Variants in ROCK2 observed in about 807,000 individuals in gnomAD.
ROCK2 encodes the protein Rho associated coiled-coil containing protein kinase 2.
ROCK2 carries 61 observed loss-of-function variants against 195.1 expected under a neutral mutation model. The ratio of observed to expected loss-of-function variants is 0.31; its 90% confidence interval spans 0.25 to 0.39. The LOEUF is 0.39. Among genes scored for constraint, ROCK2 ranks in the 10% least tolerant of loss-of-function variants. ROCK2 has a pLI of 1.00. For missense variants in ROCK2, 1,109 were observed against 1,637.4 expected, an observed-to-expected ratio of 0.68 and a Z score of 5.57; for synonymous variants, 504 against 545.5, an observed-to-expected ratio of 0.92 and a Z score of 1.06.
intron 1 of ROCK2, among the ~76,000 whole-genome samples, chr2:11,296,768 C>A (rs1427769443): frequency 6.6e-6 from 1 of 152,128 alleles, no homozygotes; most frequent in Non-Finnish European, 1.5e-5. Flanking sequence ...CTTTAAATCT[C>A]ATTTTTGACA....
chr2:11,183,914 G>C (rs1161576912), intron 32 of ROCK2, among the ~76,000 whole-genome samples: 1 of 152,114 alleles, frequency 6.6e-6, no homozygotes, highest in African/African-American at 2.4e-5. Context: ...GCTACTCTAT[G>C]AAATCTGATT....
intron 13 of ROCK2, 30 bp downstream of exon 13, chr2:11,216,128 A>C (rs1664418294): frequency 6.3e-7 from 1 of 1,584,458 alleles, no homozygotes; most frequent in South Asian, 1.1e-5. Flanking sequence ...TACTAACAAA[A>C]ATGTTAATAA....
intron 1 of ROCK2, among the ~76,000 whole-genome samples, chr2:11,327,038 T>C (rs962557854): frequency 6.6e-6 from 1 of 152,190 alleles, no homozygotes; most frequent in Admixed American, 6.5e-5. Flanking sequence ...CTAGAGACCA[T>C]GAATTTGCAG....
At chr2:11,276,910 G>A (rs562135714) in intron 3 of ROCK2, among the ~76,000 whole-genome samples, 2 of 152,220 alleles carry the variant, frequency 1.3e-5, no homozygotes, top group South Asian at 4.1e-4. Context: ...GTGGTATGCT[G>A]TGATTTGAAA....
chr2:11,281,709 G>A (rs1335346473), intron 3 of ROCK2, among the ~76,000 whole-genome samples: 1 of 152,008 alleles, frequency 6.6e-6, no homozygotes, highest in Non-Finnish European at 1.5e-5. Context: ...CTGTATATGA[G>A]CAATGAAAAA....
chr2:11,279,649 T>C (rs535106440), intron 3 of ROCK2, among the ~76,000 whole-genome samples: 2 of 152,312 alleles, frequency 1.3e-5, no homozygotes, highest in African/African-American at 2.4e-5. Context: ...GTTAAGAATA[T>C]AGTGGAACTC....
chr2:11,252,408 C>G (rs1409699219), intron 3 of ROCK2, among the ~76,000 whole-genome samples: 3 of 150,104 alleles, frequency 2.0e-5, no homozygotes, highest in African/African-American at 7.4e-5. Flanking sequence ...AAAAAAAGAT[C>G]TAGAACCAGA....
chr2:11,214,218 C>T (rs1664346059), intron 17 of ROCK2, 139 bp downstream of exon 17: 5 of 590,404 alleles, frequency 8.5e-6, no homozygotes, highest in Non-Finnish European at 1.2e-5. Flanking sequence ...CTCTTATCTA[C>T]ACATCAAGTC....
intron 4 of ROCK2, among the ~76,000 whole-genome samples, chr2:11,241,015 C>T (rs1034846519): frequency 6.6e-6 from 1 of 152,010 alleles, no homozygotes; most frequent in Non-Finnish European, 1.5e-5. Context: ...CAAGTTAATC[C>T]AGAAATAATA....
chr2:11,246,686 C>T (rs144769260), intron 4 of ROCK2, among the ~76,000 whole-genome samples: 219 of 151,982 alleles, frequency 1.4e-3, no homozygotes, highest in African/African-American at 5.0e-3. Context: ...TTTATATTAA[C>T]AAAAATGAAA....
chr2:11,239,160 G>T (rs1364229056), intron 4 of ROCK2, among the ~76,000 whole-genome samples: 1 of 151,648 alleles, frequency 6.6e-6, no homozygotes, highest in Admixed American at 6.6e-5. Context: ...ATTAGACAAA[G>T]GTTTCTTAGA....
intron 2 of ROCK2, 93 bp downstream of exon 2, chr2:11,287,557 GATTAA>G: frequency 2.6e-6 from 1 of 387,264 alleles, no homozygotes; most frequent in Non-Finnish European, 4.7e-6. Context: ...TAAATAAGTT[GATTAA>G]ATTAATAAAT....
intron 1 of ROCK2, among the ~76,000 whole-genome samples, chr2:11,296,860 G>A (rs1317334465): frequency 6.6e-6 from 1 of 151,664 alleles, no homozygotes; most frequent in East Asian, 1.9e-4. Context: ...CAAAGGTTAG[G>A]TACTAGTCAC....
At position 11,192,385 on chromosome 2, in the gene ROCK2, A is replaced by C; in HGVS notation, c.3950-24T>G. 1 of 1,597,470 alleles carries C rather than the reference A, an allele frequency of 6.3e-7. No homozygotes were observed. The highest frequency in any genetic ancestry group is 8.5e-7 in the Non-Finnish European group (1 of 1,173,772). ...TACTATAAAGAAAAATTAGAAAAAA[A>C]AATTAATGTGCTTAAAATGATCTGA... On this transcript the variant is annotated intron_variant, in intron 31 of 32. Coordinates refer to ENST00000315872, the MANE Select transcript of ROCK2 (RefSeq NM_004850.5). The surrounding 1 kb of genome is among the most constrained non-coding windows in gnomAD (Gnocchi z 5.0).
chr2:11,315,545 T>G (rs1668165719), intron 1 of ROCK2, among the ~76,000 whole-genome samples: 1 of 152,156 alleles, frequency 6.6e-6, no homozygotes, highest in African/African-American at 2.4e-5. Context: ...TCCAGTTTTC[T>G]GTAATACATC....
intron 1 of ROCK2, among the ~76,000 whole-genome samples, chr2:11,311,209 C>T (rs1668024885): frequency 6.6e-6 from 1 of 152,040 alleles, no homozygotes; most frequent in South Asian, 2.1e-4. Context: ...TAGAGCCAAT[C>T]TTATTAATGA....
intron 1 of ROCK2, chr2:11,308,208 C>T (rs6713273): frequency 0.87 from 1,343,839 of 1,544,300 alleles, 588,951 homozygotes; most frequent in East Asian, 1. Context: ...AAGAAAACCA[C>T]AGGCAAAATT....
chr2:11,310,844 C>A (rs1668010288), intron 1 of ROCK2, among the ~76,000 whole-genome samples: 1 of 151,828 alleles, frequency 6.6e-6, no homozygotes, highest in East Asian at 1.9e-4. Flanking sequence ...AATTTTGATC[C>A]ATATAAATGA....
chr2:11,304,097 C>T (rs1450713317), intron 1 of ROCK2, among the ~76,000 whole-genome samples: 2 of 152,140 alleles, frequency 1.3e-5, no homozygotes, highest in African/African-American at 4.8e-5. Flanking sequence ...TTCACTCACT[C>T]CCTCGAACTC....
Sources: allele counts gnomAD v4.1 joint callset (sites outside exome capture counted in the v4.1 genomes callset), GRCh38; gene constraint gnomAD v4.1.1; non-coding constraint Gnocchi (gnomAD v3.1); transcripts MANE v1.5; gene names NCBI Gene and HGNC (gene_info 2026-07-23, HGNC 2026-07-21).